UBE2E2: variants seen among roughly 807,000 people sequenced by gnomAD.
The protein encoded by UBE2E2 is ubiquitin conjugating enzyme E2 E2, also known as ubiquitin-conjugating enzyme E2 E2.
UBE2E2 carries 6 observed loss-of-function variants against 24.7 expected under a neutral mutation model. The observed-to-expected ratio is 0.24, with a 90% CI of 0.13 to 0.48. The LOEUF is 0.48. UBE2E2 is among the 20% of genes least tolerant of loss of function. The probability of loss-of-function intolerance (pLI) is 0.99; values close to 1 mark genes in which losing one functional copy is unlikely to be tolerated. For missense variants in UBE2E2, 169 were observed against 245.0 expected, an observed-to-expected ratio of 0.69 and a Z score of 2.07; for synonymous variants, 104 against 83.6, an observed-to-expected ratio of 1.24 and a Z score of -1.33.
intron 3 of UBE2E2, among the ~76,000 whole-genome samples, chr3:23,494,309 A>G (rs533044837): frequency 6.6e-6 from 1 of 152,242 alleles, no homozygotes. Flanking sequence ...GCATATTTTC[A>G]TACATCTTTA....
intron 3 of UBE2E2, among the ~76,000 whole-genome samples, chr3:23,381,777 C>G (rs1696676625): frequency 6.6e-6 from 1 of 152,098 alleles, no homozygotes; most frequent in Non-Finnish European, 1.5e-5. Context: ...TCTATGTTGA[C>G]TTAGATGAAA....
intron 4 of UBE2E2, among the ~76,000 whole-genome samples, chr3:23,510,355 C>A (rs926109190): frequency 6.6e-6 from 1 of 152,086 alleles, no homozygotes; most frequent in African/African-American, 2.4e-5. Context: ...GCCTGTAATC[C>A]CAGCACTTTG....
chr3:23,206,008 A>C (rs1696135836), intron 1 of UBE2E2, among the ~76,000 whole-genome samples: 2 of 152,202 alleles, frequency 1.3e-5, no homozygotes, highest in Admixed American at 1.3e-4. Flanking sequence ...TAGTTTATTA[A>C]ATCATAGTTT....
intron 3 of UBE2E2, among the ~76,000 whole-genome samples, chr3:23,307,013 T>C (rs1699252448): frequency 6.6e-6 from 1 of 152,140 alleles, no homozygotes; most frequent in African/African-American, 2.4e-5. Context: ...TTTAAAGATA[T>C]TATAGACTTT....
intron 3 of UBE2E2, among the ~76,000 whole-genome samples, chr3:23,258,308 GA>G (rs1162492493): frequency 1.3e-5 from 2 of 152,144 alleles, no homozygotes; most frequent in Admixed American, 6.5e-5. Context: ...GTTGAGAGTA[GA>G]AAAAGAGAAA....
intron 3 of UBE2E2, among the ~76,000 whole-genome samples, chr3:23,412,070 G>A (rs778468): frequency 0.67 from 101,432 of 151,880 alleles, 35,775 homozygotes; most frequent in African/African-American, 0.91. Context: ...AGATGACAGT[G>A]TGGACCCCAT....
In UBE2E2 at chr3:23,583,110, G is replaced by A. The variant is rs1559429522; in HGVS notation, c.509-6624G>A. Reference sequence around the variant, plus strand: ...CATCTTGAGTTGATTTTTGGATGTGGTGTAAGGAAGGGGTCCAATTTCAAT... The same window carrying A: ...CATCTTGAGTTGATTTTTGGATGTGATGTAAGGAAGGGGTCCAATTTCAAT... On this transcript the variant is annotated intron_variant, in intron 5 of 5. Transcript: ENST00000396703. The surrounding 1 kb of genome is among the most constrained non-coding windows in gnomAD (Gnocchi z 4.1). Among the ~76,000 whole-genome samples the A allele has an allele frequency of 1.3e-5, 2 of 152,200 alleles. No homozygotes were observed. Among genetic ancestry groups the A allele is most frequent in the East Asian group, 3.9e-4 (2 of 5,176 alleles).
At chr3:23,398,517 A>G (rs1279170745) in intron 3 of UBE2E2, among the ~76,000 whole-genome samples, 1 of 152,156 alleles carries the variant, frequency 6.6e-6, no homozygotes, top group Non-Finnish European at 1.5e-5. Context: ...TGTGGTGGGA[A>G]AAGTTAGAAG....
rs369290130 is a variant in UBE2E2 at position 23,338,795 on chromosome 3, C to T, written c.227+121483C>T. 4.6e-5 allele frequency among the ~76,000 whole-genome samples: 7 copies of T among 152,202 alleles called. No homozygotes were observed. The South Asian group carries it at 1.5e-3, about 32-fold the overall frequency. Reference sequence around the variant, plus strand: ...GTATCCAGATATAATTAAGTAAATTCAAACGGGAGAAAGGAACACACTTTC... The same window carrying T: ...GTATCCAGATATAATTAAGTAAATTTAAACGGGAGAAAGGAACACACTTTC... On this transcript the variant is annotated intron_variant, in intron 3 of 5. Coordinates refer to ENST00000396703, the MANE Select transcript of UBE2E2 (RefSeq NM_152653.4).
At chr3:23,430,296 A>T (rs1474260854) in intron 3 of UBE2E2, among the ~76,000 whole-genome samples, 4 of 152,182 alleles carry the variant, frequency 2.6e-5, no homozygotes, top group Admixed American at 1.3e-4. Context: ...CTTTCCAATT[A>T]GTATACCTTA....
chr3:23,471,086 A>G (rs1043782839), intron 3 of UBE2E2, among the ~76,000 whole-genome samples: 7 of 152,214 alleles, frequency 4.6e-5, no homozygotes, highest in African/African-American at 1.7e-4. Flanking sequence ...CAGACATGCA[A>G]CATGTATGCA....
chr3:23,529,679 A>T (rs1260222507), intron 4 of UBE2E2, among the ~76,000 whole-genome samples: 1 of 152,190 alleles, frequency 6.6e-6, no homozygotes, highest in Admixed American at 6.5e-5. Context: ...AATATTATGT[A>T]AGCCACTCAT....
rs1012220907 is a variant in UBE2E2 at position 23,336,943 on chromosome 3, C to T, written c.227+119631C>T. On this transcript the variant is annotated intron_variant, in intron 3 of 5. Transcript: ENST00000396703. ...TCAGTTCAGCTCAGGAGTTTGAGAC[C>T]AGTCTGGGCAACATGATGAAACCCC... Among the ~76,000 whole-genome samples the T allele has an allele frequency of 4.6e-5, 7 of 152,126 alleles. No homozygotes were observed. In the East Asian group the frequency reaches 1.4e-3, roughly 29 times the overall value.
In UBE2E2 at chr3:23,336,956, A is replaced by G. The variant is rs527605833; in HGVS notation, c.227+119644A>G. Among the ~76,000 whole-genome samples the G allele has an allele frequency of 5.3e-5, 8 of 152,240 alleles. No homozygotes were observed. In the East Asian group the frequency reaches 1.4e-3, roughly 26 times the overall value. The stretch of plus-strand genomic sequence containing the variant: ...GGAGTTTGAGACCAGTCTGGGCAAC[A>G]TGATGAAACCCCATCTCTACAAAAA... On this transcript the variant is annotated intron_variant, in intron 3 of 5. Transcript: ENST00000396703.
chr3:23,555,725 C>T (rs1695762061), intron 5 of UBE2E2, among the ~76,000 whole-genome samples: 1 of 152,110 alleles, frequency 6.6e-6, no homozygotes, highest in South Asian at 2.1e-4. Flanking sequence ...GGAGATCCTG[C>T]CATTTACTGA....
intron 4 of UBE2E2, among the ~76,000 whole-genome samples, chr3:23,525,332 A>G (rs979886980): frequency 1.3e-5 from 2 of 152,190 alleles, no homozygotes; most frequent in African/African-American, 4.8e-5. Context: ...AGAGGGCATT[A>G]TTCCATCTAC....
In UBE2E2 at chr3:23,280,171, T is replaced by C. The variant is rs1698457274; in HGVS notation, c.227+62859T>C. Among the ~76,000 whole-genome samples, 1 of 152,116 alleles carries C rather than the reference T, an allele frequency of 6.6e-6. No individual in the cohort carries two copies. The highest frequency in any genetic ancestry group is 1.5e-5 in the Non-Finnish European group (1 of 68,030). On this transcript the variant is annotated intron_variant, in intron 3 of 5. Transcript: ENST00000396703. The surrounding 1 kb of genome is among the most constrained non-coding windows in gnomAD (Gnocchi z 4.3). ...GAAACACTGTGGGTTAGGATGGGAG[T>C]TGTAGCAAAGGTAGGCTGTGGGTAC...
chr3:23,438,944 A>G (rs1176048757), intron 3 of UBE2E2, among the ~76,000 whole-genome samples: 1 of 152,236 alleles, frequency 6.6e-6, no homozygotes, highest in Admixed American at 6.5e-5. Context: ...AGGATATTTG[A>G]ATACTACTCA....
At position 23,213,394 on chromosome 3, in the gene UBE2E2, T is replaced by C. The variant is rs574626546; in HGVS notation, c.177-3868T>C. ...AAGTCTGAGTGAATCATGATTGTTA[T>C]GATTCCCCTCCTCTGCTATTTTTTT... is the stretch of plus-strand genomic sequence containing the variant. On this transcript the variant is annotated intron_variant, in intron 2 of 5. Transcript: ENST00000396703. Among the ~76,000 whole-genome samples the C allele has an allele frequency of 7.9e-5, 12 of 152,228 alleles. No homozygotes were observed. The South Asian group carries it at 2.5e-3, about 32-fold the overall frequency.
Sources: allele counts gnomAD v4.1 joint callset (sites outside exome capture counted in the v4.1 genomes callset), GRCh38; gene constraint gnomAD v4.1.1; non-coding constraint Gnocchi (gnomAD v3.1); transcripts MANE v1.5; gene names NCBI Gene and HGNC (gene_info 2026-07-23, HGNC 2026-07-21).